The following ROCK1 variants were observed in gnomAD, a reference collection of about 807,000 sequenced individuals.
ROCK1 encodes Rho associated coiled-coil containing protein kinase 1.
In ROCK1, 36 loss-of-function variants were observed where a neutral mutation model predicts 196.8. The ratio of observed to expected loss-of-function variants is 0.18; its 90% CI spans 0.14 to 0.24. The LOEUF (loss-of-function observed/expected upper bound fraction) is 0.24, where lower values mean the gene tolerates loss of function less well. Among genes scored for constraint, ROCK1 ranks in the 10% least tolerant of loss-of-function variants. The pLI is 1.00. For missense variants in ROCK1, 920 were observed against 1,562.0 expected (o/e 0.59, Z 6.93); for synonymous variants, 443 against 515.9 (o/e 0.86, Z 1.91).
intron 16 of ROCK1, among the ~76,000 whole-genome samples, chr18:20,999,604 AAAAAC>A (rs1175051952): frequency 6.6e-6 from 1 of 152,230 alleles, no homozygotes; most frequent in South Asian, 2.1e-4. Flanking sequence ...ATAGAAAACT[AAAAAC>A]AAACACACAA....
chr18:21,013,239 C>G (rs1375113833), intron 13 of ROCK1, among the ~76,000 whole-genome samples: 1 of 152,208 alleles, frequency 6.6e-6, no homozygotes, highest in Non-Finnish European at 1.5e-5. Context: ...TTTAGAAGGT[C>G]TCCTCTGACA....
rs149561874 is a variant in ROCK1 at position 21,063,330 on chromosome 18, T to C, written c.175+7202A>G. On this transcript the variant is annotated intron_variant, in intron 2 of 32. Transcript: ENST00000399799. ...CCTGTGATAAGTATACAAGATGCCA[T>C]AGAAGTACATGCTCAGAAGGTCAGA... is the stretch of plus-strand genomic sequence containing the variant. 4.4e-3 allele frequency among the ~76,000 whole-genome samples: 672 copies of C among 152,190 alleles called. 2 individuals are homozygous for C. Among genetic ancestry groups the C allele is most frequent in the Non-Finnish European group, 7.7e-3 (526 of 68,010 alleles).
intron 2 of ROCK1, among the ~76,000 whole-genome samples, chr18:21,061,342 G>T (rs1023605231): frequency 6.6e-6 from 1 of 152,068 alleles, no homozygotes; most frequent in Non-Finnish European, 1.5e-5. Context: ...AGCCTCCCAA[G>T]GTGCTGGGCT....
chr18:21,010,926 T>C (rs1568382786), intron 13 of ROCK1, among the ~76,000 whole-genome samples: 2 of 152,230 alleles, frequency 1.3e-5, no homozygotes, highest in Non-Finnish European at 2.9e-5. Flanking sequence ...TTATGTAATA[T>C]TCCTCTATGT....
intron 27 of ROCK1, among the ~76,000 whole-genome samples, chr18:20,965,279 T>A (rs1162606928): frequency 1.3e-5 from 2 of 152,052 alleles, no homozygotes; most frequent in African/African-American, 2.4e-5. Context: ...TAGTCCCAGC[T>A]ACTCAGGAGG....
At chr18:21,107,729 C>T (rs1407127774) in intron 1 of ROCK1, among the ~76,000 whole-genome samples, 2 of 152,150 alleles carry the variant, frequency 1.3e-5, no homozygotes, top group African/African-American at 4.8e-5. Context: ...ATACTACAAA[C>T]CCAGAAAAAG....
chr18:20,959,943 A>G lies in ROCK1; in HGVS notation c.3424-15T>C, dbSNP rs2143338402. ...ACCACAACATACTGAAATAAGAAAA[A>G]GGGGGGAAGAGTTACAAGAGCAACA... On this transcript the variant is annotated splice_polypyrimidine_tract_variant and intron_variant, in intron 28 of 32. Transcript: ENST00000399799. The G allele has an allele frequency of 6.7e-7, 1 of 1,494,380 alleles. No homozygotes were observed. Among genetic ancestry groups the G allele is most frequent in the Non-Finnish European group, 9.3e-7 (1 of 1,077,972 alleles). The allele number at this position is 1,494,380 out of a possible 1,614,324, so 92.6% of individuals were successfully genotyped here. A position where few individuals can be genotyped will look rare whatever the true frequency, so the allele number is the denominator to read the frequency against.
In ROCK1 at chr18:20,946,954, G is replaced by A. The variant is rs2035134072; in HGVS notation, c.*4430C>T. The A allele has an allele frequency of 6.6e-6, 1 of 152,152 alleles. No homozygotes were observed. Among genetic ancestry groups the A allele is most frequent in the African/African-American group, 2.4e-5 (1 of 41,426 alleles). 9.4% of individuals were successfully genotyped at this position (152,152 alleles called of 1,614,324 possible). ...AGCCAAACCATCCTACATGGTACAA[G>A]AAACCAATTTATAGGATTAACATAC... On this transcript the variant is annotated 3_prime_UTR_variant, in exon 33 of 33. Coordinates refer to ENST00000399799, the MANE Select transcript of ROCK1 (RefSeq NM_005406.3).
Position 21,100,259 on chromosome 18 carries a change from G to A in ROCK1, c.93+10559C>T, listed in dbSNP as rs116662174. 7.3e-3 allele frequency among the ~76,000 whole-genome samples: 1,112 copies of A among 151,668 alleles called. 16 individuals are homozygous for A. Among genetic ancestry groups the A allele is most frequent in the African/African-American group, 0.025 (1,047 of 41,414 alleles). ...ATAAAATATCATAGCTCTATTCACTGAACAAGGACAAGAAACAATTTCATC... is the reference window on the plus strand; with the variant it reads ...ATAAAATATCATAGCTCTATTCACTAAACAAGGACAAGAAACAATTTCATC... On this transcript the variant is annotated intron_variant, in intron 1 of 32. Coordinates refer to ENST00000399799, the MANE Select transcript of ROCK1 (RefSeq NM_005406.3).
intron 32 of ROCK1, among the ~76,000 whole-genome samples, chr18:20,952,988 G>A (rs912423211): frequency 6.6e-6 from 1 of 152,120 alleles, no homozygotes; most frequent in Non-Finnish European, 1.5e-5. Context: ...TGGGGGGCTA[G>A]GGCAGGGATA....
chr18:21,048,695 G>A (rs1402934327), intron 4 of ROCK1, among the ~76,000 whole-genome samples: 6 of 151,958 alleles, frequency 3.9e-5, no homozygotes, highest in Admixed American at 2.6e-4. Context: ...AACCACAGGC[G>A]TGTACCACCA....
At chr18:21,002,192 C>A (rs1270360712) in intron 16 of ROCK1, among the ~76,000 whole-genome samples, 2 of 152,146 alleles carry the variant, frequency 1.3e-5, no homozygotes, top group Admixed American at 6.5e-5. Context: ...AGGTTATAGA[C>A]CCCGAATGTC....
chr18:21,050,871 T>C (rs2036198326), intron 2 of ROCK1, among the ~76,000 whole-genome samples: 1 of 152,222 alleles, frequency 6.6e-6, no homozygotes. Context: ...CAAATATTTC[T>C]ATCTACCATA....
chr18:20,951,235 G>C lies in ROCK1; in HGVS notation c.*149C>G. The C allele has an allele frequency of 1.6e-6, 1 of 615,354 alleles. No individual in the cohort carries two copies. Among genetic ancestry groups the C allele is most frequent in the Non-Finnish European group, 2.7e-6 (1 of 368,466 alleles). The allele number at this position is 615,354 out of a possible 1,614,324, so 38.1% of individuals were successfully genotyped here. The stretch of plus-strand genomic sequence containing the variant: ...ATAAAAAAAACCCTCAGTGTGTTGT[G>C]CCAAAGCAAGGACAGAAAAACAGCA... On this transcript the variant is annotated 3_prime_UTR_variant, in exon 33 of 33. Coordinates refer to ENST00000399799, the MANE Select transcript of ROCK1 (RefSeq NM_005406.3).
chr18:20,972,466 T>C (rs2035438369), intron 22 of ROCK1, among the ~76,000 whole-genome samples: 1 of 152,106 alleles, frequency 6.6e-6, no homozygotes, highest in South Asian at 2.1e-4. Context: ...TCTGACACCA[T>C]TTAAAGCCAC....
chr18:21,101,686 C>A (rs2036660801), intron 1 of ROCK1, among the ~76,000 whole-genome samples: 1 of 152,144 alleles, frequency 6.6e-6, no homozygotes, highest in African/African-American at 2.4e-5. Flanking sequence ...TTAAAAGACT[C>A]TTAAAGGACC....
At chr18:21,053,076 A>AT (rs1281422620) in intron 2 of ROCK1, among the ~76,000 whole-genome samples, 1 of 152,130 alleles carries the variant, frequency 6.6e-6, no homozygotes, top group African/African-American at 2.4e-5. Flanking sequence ...AAAATTGGTT[A>AT]TTTTTTAATT....
chr18:20,959,987 A>G, intron 28 of ROCK1, 59 bp from the exon 29 acceptor site: 2 of 1,152,004 alleles, frequency 1.7e-6, no homozygotes, highest in South Asian at 1.3e-5. Context: ...GTTTAAAGTG[A>G]TAAGCATAAT....
rs564468458 is a variant in ROCK1, at chr18:21,049,447, A to G, written c.277-218T>C. 1.5e-3 allele frequency among the ~76,000 whole-genome samples: 229 copies of G among 152,312 alleles called. 1 individual carries two copies. In the Middle Eastern group the frequency reaches 0.034, roughly 23 times the overall value. On this transcript the variant is annotated intron_variant, in intron 3 of 32. Coordinates refer to ENST00000399799, the MANE Select transcript of ROCK1 (RefSeq NM_005406.3). ...TGTTTTAAAAAAATTTTTATTTCCT[A>G]TATTACAAGACACTTTCCCCCCTCC...
Sources: gnomAD v4.1 joint callset for allele counts (sites outside exome capture counted in the v4.1 genomes callset) on GRCh38, gnomAD v4.1.1 for gene constraint, MANE v1.5 for transcripts, NCBI Gene and HGNC (gene_info 2026-07-23, HGNC 2026-07-21) for gene names.